Variants in TENM3 observed in about 807,000 individuals in gnomAD.
The protein encoded by TENM3 is teneurin transmembrane protein 3, also known as teneurin-3.
Under a neutral mutation model 255.1 loss-of-function variants are expected in TENM3, and 63 were observed. That is an observed-to-expected ratio of 0.25 (90% CI 0.20 to 0.30). The LOEUF (loss-of-function observed/expected upper bound fraction) is 0.30. Ranked by LOEUF, TENM3 falls within the 10% of genes least tolerant of loss-of-function variation. The pLI is 1.00. For synonymous variants in TENM3, 1,306 were observed against 1,322.3 expected (o/e 0.99, Z 0.27); for missense variants, 2,929 against 3,461.1 (o/e 0.85, Z 3.86).
the TENM3 span, among the ~76,000 whole-genome samples, chr4:181,941,742 G>A: frequency 6.6e-6 from 1 of 152,170 alleles, no homozygotes; most frequent in Non-Finnish European, 1.5e-5. Context: ...TCCCGAGGGT[G>A]AGGAATATCC....
At chr4:181,456,993 C>A in the TENM3 span, among the ~76,000 whole-genome samples, 2 of 151,618 alleles carry the variant, frequency 1.3e-5, no homozygotes, top group African/African-American at 4.8e-5. Context: ...GAAATTTTTC[C>A]ACATCTAAGG....
chr4:182,376,452 G>T (rs1767185018), intron 3 of TENM3, among the ~76,000 whole-genome samples: 1 of 152,056 alleles, frequency 6.6e-6, no homozygotes, highest in Admixed American at 6.5e-5. Flanking sequence ...ATATCTACCT[G>T]ACTGCATTAT....
intron 3 of TENM3, among the ~76,000 whole-genome samples, chr4:182,553,886 C>G (rs1215200666): frequency 1.3e-5 from 2 of 152,110 alleles, no homozygotes; most frequent in African/African-American, 4.8e-5. Context: ...AGCACAAGAC[C>G]CCTTAACTCA....
chr4:181,556,719 T>C, the TENM3 span, among the ~76,000 whole-genome samples: 1 of 152,226 alleles, frequency 6.6e-6, no homozygotes, highest in Non-Finnish European at 1.5e-5. Flanking sequence ...GAAGCGTTGA[T>C]GCATTTTTGG....
the TENM3 span, among the ~76,000 whole-genome samples, chr4:181,823,003 AAAAG>A: frequency 2.0e-5 from 3 of 152,214 alleles, no homozygotes; most frequent in African/African-American, 7.2e-5. Flanking sequence ...CGGAGGGAGA[AAAAG>A]AAAGATCTCA....
At chr4:182,749,930 A>C (rs1172116392) in intron 19 of TENM3, among the ~76,000 whole-genome samples, 1 of 152,190 alleles carries the variant, frequency 6.6e-6, no homozygotes, top group South Asian at 2.1e-4. Flanking sequence ...TCTGTCACCA[A>C]TTATATATAC....
chr4:182,505,263 C>A (rs1466690272), intron 3 of TENM3, among the ~76,000 whole-genome samples: 2 of 152,012 alleles, frequency 1.3e-5, no homozygotes, highest in Non-Finnish European at 2.9e-5. Flanking sequence ...ATGTTTATTT[C>A]CCAAAATAAA....
At chr4:181,699,858 T>G in the TENM3 span, among the ~76,000 whole-genome samples, 387 of 152,350 alleles carry the variant, frequency 2.5e-3, 1 homozygote, top group African/African-American at 8.6e-3. Context: ...TAATAGACAC[T>G]TAAATCCAGA....
the TENM3 span, chr4:181,835,062 T>C: frequency 2.0e-5 from 3 of 152,188 alleles, no homozygotes; most frequent in East Asian, 5.8e-4. Flanking sequence ...GAAAAAACAC[T>C]AGTGATCCGT....
At chr4:182,188,432 T>A (rs1450425897) in intron 1 of TENM3, among the ~76,000 whole-genome samples, 2 of 152,192 alleles carry the variant, frequency 1.3e-5, no homozygotes, top group Admixed American at 6.5e-5. Context: ...CTCAGGACAG[T>A]TGATCCCCTA....
the TENM3 span, among the ~76,000 whole-genome samples, chr4:181,833,552 G>T: frequency 1.3e-5 from 2 of 152,138 alleles, no homozygotes; most frequent in African/African-American, 4.8e-5. Flanking sequence ...GGCTACTCAG[G>T]CCATTCAAAT....
At chr4:181,523,173 C>T in the TENM3 span, among the ~76,000 whole-genome samples, 1 of 152,152 alleles carries the variant, frequency 6.6e-6, no homozygotes, top group East Asian at 1.9e-4. Flanking sequence ...TTGAAATTGG[C>T]TTTACCAATC....
the TENM3 span, among the ~76,000 whole-genome samples, chr4:182,079,229 A>G: frequency 3.3e-5 from 5 of 152,162 alleles, no homozygotes; most frequent in Admixed American, 6.5e-5. Context: ...TCAAGAGTAA[A>G]GAGTTGGCTG....
intron 3 of TENM3, among the ~76,000 whole-genome samples, chr4:182,459,228 G>T (rs956997558): frequency 6.6e-6 from 1 of 151,986 alleles, no homozygotes; most frequent in Non-Finnish European, 1.5e-5. Context: ...AATGCTAAAA[G>T]CCTGTGAGGC....
At chr4:182,441,490 A>T (rs1185069252) in intron 3 of TENM3, among the ~76,000 whole-genome samples, 1 of 152,110 alleles carries the variant, frequency 6.6e-6, no homozygotes, top group East Asian at 1.9e-4. Flanking sequence ...CCAAACCAGC[A>T]TTTATTTTAT....
chr4:181,468,548 T>C, the TENM3 span, among the ~76,000 whole-genome samples: 3 of 152,340 alleles, frequency 2.0e-5, no homozygotes, highest in Admixed American at 6.5e-5. Flanking sequence ...ATCTGTATAG[T>C]GCGCTCTGAA....
intron 1 of TENM3, among the ~76,000 whole-genome samples, chr4:182,160,141 T>A (rs942209368): frequency 8.0e-5 from 12 of 150,044 alleles, no homozygotes; most frequent in African/African-American, 2.7e-4. Flanking sequence ...TAGCTGGGAC[T>A]ACAGGCGCCC....
chr4:181,537,194 G>T, the TENM3 span, among the ~76,000 whole-genome samples: 1 of 151,740 alleles, frequency 6.6e-6, no homozygotes, highest in Non-Finnish European at 1.5e-5. Context: ...AAGAAAGGGA[G>T]TCTACACCTT....
At chr4:181,718,285 C>T in the TENM3 span, among the ~76,000 whole-genome samples, 3 of 152,180 alleles carry the variant, frequency 2.0e-5, no homozygotes, top group Admixed American at 1.3e-4. Context: ...CATGAAACCT[C>T]TATAGCTGAC....
Sources: allele counts gnomAD v4.1 joint callset (sites outside exome capture counted in the v4.1 genomes callset), GRCh38; gene constraint gnomAD v4.1.1; transcripts MANE v1.5; gene names NCBI Gene and HGNC (gene_info 2026-07-23, HGNC 2026-07-21).